The following JPT2 variants were observed in gnomAD, a reference collection of about 807,000 sequenced individuals.
JPT2 encodes the protein CRAMP_1 like.
JPT2 carries 9 observed loss-of-function variants against 15.9 expected under a neutral mutation model. The observed-to-expected ratio is 0.57, with a 90% CI of 0.34 to 0.99. The LOEUF (loss-of-function observed/expected upper bound fraction) is 0.99. Among genes scored for constraint, JPT2 ranks in the 50% least tolerant of loss-of-function variants. JPT2 has a pLI of 0.02. For synonymous variants in JPT2, 95 were observed against 91.7 expected (o/e 1.04, Z -0.21); for missense variants, 267 against 252.1 (o/e 1.06, Z -0.40).
In JPT2 at chr16:1,700,324, C is replaced by G. The variant is rs544458756; in HGVS notation, c.*1326C>G. ...TCTTCAGGCAGAAGCCTCTGCCCAT[C>G]CCCCTCAAGGGCTGCAGGCCCAGTT... On this transcript the variant is annotated 3_prime_UTR_variant, in exon 5 of 5. Coordinates refer to ENST00000248098, the MANE Select transcript of JPT2 (RefSeq NM_144570.3). 8.3e-6 allele frequency: 3 copies of G among 361,132 alleles called. No homozygotes were observed. The highest frequency in any genetic ancestry group is 4.2e-5 in the African/African-American group (2 of 47,472). The allele number at this position is 361,132 out of a possible 1,614,324, so 22.4% of individuals were successfully genotyped here. A position where few individuals can be genotyped will look rare whatever the true frequency, so the allele number is the denominator to read the frequency against.
intron 1 of JPT2, among the ~76,000 whole-genome samples, chr16:1,678,854 C>G (rs774379193): frequency 6.6e-6 from 1 of 152,178 alleles, no homozygotes; most frequent in Non-Finnish European, 1.5e-5. Context: ...TGGCCGTGTG[C>G]CCGTGTCCCT....
At chr16:1,680,900 A>G (rs1242388299) in intron 1 of JPT2, among the ~76,000 whole-genome samples, 1 of 152,158 alleles carries the variant, frequency 6.6e-6, no homozygotes, top group Non-Finnish European at 1.5e-5. Flanking sequence ...AGGAGCATGG[A>G]GACCCCCGAG....
At chr16:1,691,776 C>T (rs893557510) in intron 2 of JPT2, 67 bp from the exon 3 acceptor site, 45 of 1,248,738 alleles carry the variant, frequency 3.6e-5, no homozygotes, top group Middle Eastern at 3.1e-4. Flanking sequence ...CAAAGCACTG[C>T]GGGGGTGGGG....
intron 1 of JPT2, among the ~76,000 whole-genome samples, chr16:1,683,928 A>G (rs2037044698): frequency 6.6e-6 from 1 of 152,196 alleles, no homozygotes; most frequent in Non-Finnish European, 1.5e-5. Flanking sequence ...CCAGGATGCC[A>G]AAATCCAAGG....
intron 4 of JPT2, 101 bp downstream of exon 4, chr16:1,697,961 C>T: frequency 1.9e-6 from 2 of 1,039,284 alleles, no homozygotes; most frequent in Middle Eastern, 2.1e-4. Context: ...TTCTTTGCAC[C>T]TTCTGGGCCA....
At position 1,701,920 on chromosome 16, in the gene JPT2, T is replaced by C; in HGVS notation, c.*2922T>C. 3.1e-6 allele frequency: 1 copy of C among 324,310 alleles called. No individual in the cohort carries two copies. The highest frequency in any genetic ancestry group is 6.2e-6 in the Non-Finnish European group (1 of 160,812). The allele number at this position is 324,310 out of a possible 1,614,324, so 20.1% of individuals were successfully genotyped here. A position where few individuals can be genotyped will look rare whatever the true frequency, so the allele number is the denominator to read the frequency against. Reference sequence around the variant, plus strand: ...AGCCGGATGTGGTGGTGCATGCCTGTAGTCCCAGCTACTCGGGAGGCTGAG... The same window carrying C: ...AGCCGGATGTGGTGGTGCATGCCTGCAGTCCCAGCTACTCGGGAGGCTGAG... On this transcript the variant is annotated 3_prime_UTR_variant, in exon 5 of 5. Transcript: ENST00000248098.
chr16:1,698,957 C>A lies in JPT2; in HGVS notation c.532C>A (p.Leu178Met). 6.2e-7 allele frequency: 1 copy of A among 1,613,836 alleles called. No individual in the cohort carries two copies. Among genetic ancestry groups the A allele is most frequent in the Non-Finnish European group, 8.5e-7 (1 of 1,179,846 alleles). The change falls in exon 5 of 5, where the codon CTG (leucine) becomes ATG (methionine). Residue 178 changes from leucine (L) to methionine (M), a missense_variant. Transcript: ENST00000248098. The surrounding 1 kb of genome is among the most constrained non-coding windows in gnomAD (Gnocchi z 4.9). Reference protein sequence around the residue: ...GPRPRSHNKVLNPPGGKSSIS... With the variant: ...GPRPRSHNKVMNPPGGKSSIS... ...GCGGCCTCGCTCTCACAACAAGGTC[C>A]TGAACCCACCGGGAGGCAAATCCAG...
intron 3 of JPT2, among the ~76,000 whole-genome samples, chr16:1,693,584 A>T (rs139243640): frequency 6.6e-6 from 1 of 152,280 alleles, no homozygotes; most frequent in Non-Finnish European, 1.5e-5. Context: ...TTTCCAGTGA[A>T]CGTAGATCAG....
At chr16:1,681,839 C>T (rs570348958) in intron 1 of JPT2, among the ~76,000 whole-genome samples, 10 of 152,210 alleles carry the variant, frequency 6.6e-5, no homozygotes, top group Admixed American at 1.3e-4. Flanking sequence ...AAGAGTCCTA[C>T]AGAGCTTGCA....
rs1345652137 is a variant in JPT2, at chr16:1,699,577, G to A, written c.*579G>A. The A allele has an allele frequency of 1.6e-5, 5 of 320,790 alleles. No individual in the cohort carries two copies. Among genetic ancestry groups the A allele is most frequent in the African/African-American group, 8.6e-5 (4 of 46,370 alleles). The allele number at this position is 320,790 out of a possible 1,614,324, so 19.9% of individuals were successfully genotyped here. A position where few individuals can be genotyped will look rare whatever the true frequency, so the allele number is the denominator to read the frequency against. On this transcript the variant is annotated 3_prime_UTR_variant, in exon 5 of 5. Transcript: ENST00000248098. ...AAAAACCAAATAATAATAGTTATCC[G>A]TCTTCTACTTCATGGAAGATTGTTT...
intron 1 of JPT2, chr16:1,683,701 G>A (rs1596505260): frequency 5.3e-6 from 4 of 758,878 alleles, no homozygotes; most frequent in South Asian, 1.6e-5. Flanking sequence ...GGAGATCTGA[G>A]AACTCCATTC....
intron 3 of JPT2, among the ~76,000 whole-genome samples, chr16:1,695,104 CTT>C (rs1272603095): frequency 6.6e-6 from 1 of 152,062 alleles, no homozygotes; most frequent in African/African-American, 2.4e-5. Context: ...TCTAAAAAAA[CTT>C]TTTTTTAACT....
chr16:1,697,707 A>AT, intron 3 of JPT2, 105 bp from the exon 4 acceptor site: 1 of 1,057,790 alleles, frequency 9.5e-7, no homozygotes, highest in Non-Finnish European at 1.4e-6. Flanking sequence ...ATATACAAGC[A>AT]TTTTTGTAAA....
chr16:1,697,926 C>G, intron 4 of JPT2, 66 bp downstream of exon 4: 2 of 1,426,014 alleles, frequency 1.4e-6, no homozygotes, highest in Non-Finnish European at 2.0e-6. Flanking sequence ...TTGCTAGTCT[C>G]TCCTCTGGGA....
downstream of JPT2, among the ~76,000 whole-genome samples, chr16:1,702,534 C>T (rs2037186304): frequency 6.6e-6 from 1 of 152,248 alleles, no homozygotes; most frequent in Non-Finnish European, 1.5e-5. Context: ...GAGCCCCGTG[C>T]CTTGTCCAGG....
At chr16:1,678,586 C>T (rs2036992940) in intron 1 of JPT2, among the ~76,000 whole-genome samples, 1 of 152,006 alleles carries the variant, frequency 6.6e-6, no homozygotes, top group South Asian at 2.1e-4. Flanking sequence ...TGCCCGCGAC[C>T]GAGGCCGAGG....
chr16:1,684,910 CAA>C (rs552406058), intron 1 of JPT2, among the ~76,000 whole-genome samples: 26 of 75,272 alleles, frequency 3.5e-4, no homozygotes, highest in Admixed American at 7.6e-4. Flanking sequence ...GACTCCATCT[CAA>C]AAAAAAAAAA....
chr16:1,699,949 A>G lies in JPT2; in HGVS notation c.*951A>G, dbSNP rs972924153. On this transcript the variant is annotated 3_prime_UTR_variant, in exon 5 of 5. Transcript: ENST00000248098. Reference sequence around the variant, plus strand: ...ATTCCTTAATTGGTTGGTGGAAAGAAGAGATGCTTGGGAACCTTGGGTTCT... The same window carrying G: ...ATTCCTTAATTGGTTGGTGGAAAGAGGAGATGCTTGGGAACCTTGGGTTCT... 20 of 287,294 alleles carry G rather than the reference A, an allele frequency of 7.0e-5. No individual in the cohort carries two copies. Among genetic ancestry groups the G allele is most frequent in the East Asian group, 6.9e-4 (9 of 13,016 alleles). The allele number at this position is 287,294 out of a possible 1,614,324, so 17.8% of individuals were successfully genotyped here.
chr16:1,683,722 A>C (rs547484569), intron 1 of JPT2: 1 of 663,904 alleles, frequency 1.5e-6, no homozygotes, highest in African/African-American at 1.8e-5. Context: ...ACATCCAGTC[A>C]CAAGGAGCCC....
Sources: allele counts gnomAD v4.1 joint callset (sites outside exome capture counted in the v4.1 genomes callset), GRCh38; gene constraint gnomAD v4.1.1; non-coding constraint Gnocchi (gnomAD v3.1); transcripts MANE v1.5; gene names NCBI Gene and HGNC (gene_info 2026-07-23, HGNC 2026-07-21).